The following RHOBTB2 variants were observed in gnomAD, a reference collection of about 807,000 sequenced individuals.
RHOBTB2 encodes the protein rho-related BTB domain-containing protein 2.
In RHOBTB2, 39 loss-of-function variants were observed where a neutral mutation model predicts 66.5. That is an observed-to-expected ratio of 0.59 (90% confidence interval 0.45 to 0.77). The LOEUF is 0.77. RHOBTB2 is among the 30% of genes least tolerant of loss of function. The pLI, the probability that RHOBTB2 is intolerant of heterozygous loss-of-function variation, is 0.00. For synonymous variants in RHOBTB2, 390 were observed against 395.0 expected, an observed-to-expected ratio of 0.99 and a Z score of 0.15; for missense variants, 755 against 999.1, an observed-to-expected ratio of 0.76 and a Z score of 3.29.
chr8:22,981,622 G>C, the RHOBTB2 span, among the ~76,000 whole-genome samples: 1 of 152,200 alleles, frequency 6.6e-6, no homozygotes, highest in Admixed American at 6.5e-5. Flanking sequence ...TCTTCTGTGG[G>C]GGTTGAAAGA....
Position 23,010,633 on chromosome 8 carries a change from G to T in RHOBTB2, c.1716G>T (p.Met572Ile). 1 of 1,614,176 alleles carries T rather than the reference G, an allele frequency of 6.2e-7. No individual in the cohort carries two copies. Among genetic ancestry groups the T allele is most frequent in the Non-Finnish European group, 8.5e-7 (1 of 1,180,028 alleles). ...CCTCCAGCCCCGACCTGGATGACAT[G>T]AAGCTCATCATTCTAGCCAACCGCC... is the stretch of plus-strand genomic sequence containing the variant. Reference protein sequence around the residue: ...MFTSSPDLDDMKLIILANRLC... With the variant: ...MFTSSPDLDDIKLIILANRLC... The change falls in exon 7 of 10, where the codon ATG becomes ATT. Residue 572 changes from methionine (M) to isoleucine (I), a missense_variant. Met to Ile is a conservative substitution (Grantham distance 10, BLOSUM62 1). Around this residue, in one of 7 missense-constraint regions of RHOBTB2, gnomAD observed 353 missense variants for 458.2 expected, o/e 0.77. Coordinates refer to ENST00000251822, the MANE Select transcript of RHOBTB2 (RefSeq NM_015178.3).
Position 22,994,073 on chromosome 8 carries a change from G to C in RHOBTB2, c.-23-488G>C, listed in dbSNP as rs192468023. ...GGGTCAGGAGATGTTTCAATGAAAA[G>C]AATGACCAAGAAAATATAGACCTTC... On this transcript the variant is annotated intron_variant, in intron 2 of 11. Transcript: ENST00000519685. Among the ~76,000 whole-genome samples, 74 of 152,296 alleles carry C rather than the reference G, an allele frequency of 4.9e-4. No homozygotes were observed. In the East Asian group the frequency reaches 0.013, roughly 26 times the overall value.
At chr8:22,981,258 A>G in the RHOBTB2 span, among the ~76,000 whole-genome samples, 31 of 152,232 alleles carry the variant, frequency 2.0e-4, no homozygotes, top group Non-Finnish European at 4.4e-4. Context: ...GCTGGAGTTG[A>G]TTCAACCACC....
chr8:23,013,946 G>A (rs1451602054), intron 7 of RHOBTB2, among the ~76,000 whole-genome samples: 1 of 152,174 alleles, frequency 6.6e-6, no homozygotes, highest in Non-Finnish European at 1.5e-5. Flanking sequence ...TATCTGGAAT[G>A]ATGAGATGTT....
chr8:22,963,876 G>C, the RHOBTB2 span, among the ~76,000 whole-genome samples: 1 of 152,100 alleles, frequency 6.6e-6, no homozygotes, highest in East Asian at 1.9e-4. Flanking sequence ...CCATCCCCCA[G>C]TTTCAAGCAA....
At position 23,004,381 on chromosome 8, in the gene RHOBTB2, C is replaced by A; in HGVS notation, c.-10-44C>A. Reference sequence around the variant, plus strand: ...GGTGCTGGCCCTGGCCCACGGCGAGCTGGCATGCCATGCCGTCCTGACCGC... The same window carrying A: ...GGTGCTGGCCCTGGCCCACGGCGAGATGGCATGCCATGCCGTCCTGACCGC... On this transcript the variant is annotated intron_variant, in intron 1 of 9. Coordinates refer to ENST00000251822, the MANE Select transcript of RHOBTB2 (RefSeq NM_015178.3). The surrounding 1 kb of genome is among the most constrained non-coding windows in gnomAD (Gnocchi z 6.4). The A allele has an allele frequency of 6.4e-7, 1 of 1,557,910 alleles. No homozygotes were observed. The highest frequency in any genetic ancestry group is 8.8e-7 in the Non-Finnish European group (1 of 1,129,968).
rs1047975563 is a variant in RHOBTB2 at position 23,002,906 on chromosome 8, G to A, written c.-10-1519G>A. 7.2e-5 allele frequency among the ~76,000 whole-genome samples: 11 copies of A among 152,288 alleles called. 1 individual carries two copies. Among genetic ancestry groups the A allele is most frequent in the South Asian group, 4.1e-4 (2 of 4,828 alleles). ...GTTGCTGAGATGCATCCACTCGCAC[G>A]GATCCCAGTTGCTATCGTTACTTGG... On this transcript the variant is annotated intron_variant, in intron 1 of 9. Transcript: ENST00000251822.
Position 23,007,368 on chromosome 8 carries a change from G to A in RHOBTB2, c.1123G>A (p.Gly375Arg), listed in dbSNP as rs759105470. The change falls in exon 5 of 10, where the codon GGA becomes AGA. Residue 375 changes from glycine to arginine, a missense_variant. Transcript: ENST00000251822. The part of the protein sequence containing the change: ...STSDGILRGN[G>R]TGYLPGRGRV... ...CAGCGACGGGATCTTACGGGGCAAC[G>A]GAACAGGGTACCTACCGGGCAGGGG... 48 of 1,613,828 alleles carry A rather than the reference G, an allele frequency of 3.0e-5. No homozygotes were observed. In the Middle Eastern group the frequency reaches 1.6e-3, roughly 55 times the overall value.
At chr8:22,955,558 A>T in the RHOBTB2 span, among the ~76,000 whole-genome samples, 1 of 149,608 alleles carries the variant, frequency 6.7e-6, no homozygotes, top group African/African-American at 2.5e-5. Flanking sequence ...AATTCATTCA[A>T]TAAATCTTTT....
At chr8:22,961,248 A>T in the RHOBTB2 span, among the ~76,000 whole-genome samples, 1 of 152,134 alleles carries the variant, frequency 6.6e-6, no homozygotes. Context: ...TAACACAGGG[A>T]TATACTTTTG....
the RHOBTB2 span, among the ~76,000 whole-genome samples, chr8:22,970,601 C>T: frequency 1.6e-4 from 18 of 114,192 alleles, no homozygotes; most frequent in Non-Finnish European, 1.4e-4. Context: ...AGACTCTGTC[C>T]CTAAAAAAAA....
At chr8:22,961,372 G>A in the RHOBTB2 span, among the ~76,000 whole-genome samples, 1 of 152,134 alleles carries the variant, frequency 6.6e-6, no homozygotes, top group Non-Finnish European at 1.5e-5. Context: ...AACTGATCAA[G>A]CTGTTTCTGT....
Position 23,004,429 on chromosome 8 carries a change from C to T in RHOBTB2, c.-6C>T, listed in dbSNP as rs779796324. The T allele has an allele frequency of 5.0e-6, 8 of 1,613,900 alleles. No homozygotes were observed. In the African/African-American group the frequency reaches 6.7e-5, roughly 13 times the overall value. ...CGCCTCCCTCCTCTCCCTCAGGTCC[C>T]GTTTAATGGATTCTGACATGGATTA... On this transcript the variant is annotated 5_prime_UTR_variant, in exon 2 of 10. Transcript: ENST00000251822. The surrounding 1 kb of genome is among the most constrained non-coding windows in gnomAD (Gnocchi z 6.4).
In RHOBTB2 at chr8:23,004,319, G is replaced by A. The variant is rs576720013; in HGVS notation, c.-10-106G>A. ...CCTTCCTCCTCCTGTCAGCTCCGGG[G>A]CTTGCAGAGGGGGCAGCCTGGCTGA... On this transcript the variant is annotated intron_variant, in intron 1 of 9. Transcript: ENST00000251822. This position sits in a 1 kb window ranked among gnomAD's most constrained non-coding sequence, Gnocchi z 6.4. 3.4e-5 allele frequency: 32 copies of A among 941,242 alleles called. No individual in the cohort carries two copies. The highest frequency in any genetic ancestry group is 1.7e-4 in the South Asian group (12 of 69,958). The allele number at this position is 941,242 out of a possible 1,614,324, so 58.3% of individuals were successfully genotyped here.
the RHOBTB2 span, among the ~76,000 whole-genome samples, chr8:22,953,756 C>G: frequency 6.6e-6 from 1 of 152,238 alleles, no homozygotes; most frequent in East Asian, 1.9e-4. Context: ...CACTTCTGCT[C>G]TGTTCAGTCA....
chr8:22,989,187 G>A (rs558019544), intron 1 of RHOBTB2, among the ~76,000 whole-genome samples: 2 of 152,010 alleles, frequency 1.3e-5, no homozygotes, highest in South Asian at 2.1e-4. Flanking sequence ...TCTCTGTGTC[G>A]CCCAGGCTGG....
intron 1 of RHOBTB2, among the ~76,000 whole-genome samples, chr8:23,000,469 G>A (rs887306777): frequency 1.4e-4 from 21 of 152,178 alleles, no homozygotes; most frequent in South Asian, 4.1e-4. Context: ...AGTGGAATTG[G>A]GGTGTTTTGC....
intron 7 of RHOBTB2, among the ~76,000 whole-genome samples, chr8:23,011,403 T>TTTCTTC (rs1479356071): frequency 6.6e-6 from 1 of 152,218 alleles, no homozygotes; most frequent in East Asian, 1.9e-4. Context: ...TCCTTTTATT[T>TTTCTTC]TTCTTCTTTT....
upstream of RHOBTB2, among the ~76,000 whole-genome samples, chr8:22,997,439 G>A (rs1400394447): frequency 6.6e-6 from 1 of 152,226 alleles, no homozygotes; most frequent in Non-Finnish European, 1.5e-5. Context: ...AGTTCACTGA[G>A]TGTGAGCGGG....
Sources: allele counts gnomAD v4.1 joint callset (sites outside exome capture counted in the v4.1 genomes callset), GRCh38; gene constraint gnomAD v4.1.1; regional missense constraint gnomAD v4.1.1; non-coding constraint Gnocchi (gnomAD v3.1); transcripts MANE v1.5; gene names NCBI Gene and HGNC (gene_info 2026-07-23, HGNC 2026-07-21).